Variants in DPP10 observed in about 807,000 individuals in gnomAD.
DPP10 encodes dipeptidyl peptidase like 10, also known as inactive dipeptidyl peptidase 10.
In DPP10, 33 loss-of-function variants were observed where a neutral mutation model predicts 120.9. The ratio of observed to expected loss-of-function variants is 0.27; its 90% CI spans 0.21 to 0.37. The LOEUF is 0.37. Ranked by LOEUF, DPP10 falls within the 10% of genes least tolerant of loss-of-function variation. The pLI, the probability that DPP10 is intolerant of heterozygous loss-of-function variation, is 1.00. For synonymous variants in DPP10, 337 were observed against 326.1 expected, an observed-to-expected ratio of 1.03 and a Z score of -0.36; for missense variants, 816 against 942.8, an observed-to-expected ratio of 0.87 and a Z score of 1.76.
chr2:115,674,931 C>T (rs1176123374), intron 5 of DPP10, among the ~76,000 whole-genome samples: 1 of 152,156 alleles, frequency 6.6e-6, no homozygotes, highest in Non-Finnish European at 1.5e-5. Flanking sequence ...TTTATCATCA[C>T]CTTAGTATTC....
chr2:115,130,360 T>G (rs1275594473), intron 1 of DPP10, among the ~76,000 whole-genome samples: 1 of 152,192 alleles, frequency 6.6e-6, no homozygotes, highest in Non-Finnish European at 1.5e-5. Flanking sequence ...AACTCTCTTT[T>G]TCCTCAGCTT....
intron 19 of DPP10, among the ~76,000 whole-genome samples, chr2:115,803,794 A>G (rs2421340): frequency 0.44 from 66,695 of 152,052 alleles, 17,305 homozygotes; most frequent in East Asian, 0.67. Flanking sequence ...TTCTGCCGAG[A>G]GATCCGCTGT....
intron 1 of DPP10, among the ~76,000 whole-genome samples, chr2:115,071,653 C>A (rs1707375974): frequency 6.6e-6 from 1 of 151,130 alleles, no homozygotes; most frequent in African/African-American, 2.4e-5. Context: ...GTTTTAAGAC[C>A]AGAAGGGGCA....
chr2:114,467,738 G>A (rs1443497311), intron 1 of DPP10, among the ~76,000 whole-genome samples: 1 of 152,126 alleles, frequency 6.6e-6, no homozygotes, highest in East Asian at 1.9e-4. Flanking sequence ...GGCGGCTCAC[G>A]CTTGTAATCC....
chr2:114,885,122 G>A (rs182679483), intron 1 of DPP10, among the ~76,000 whole-genome samples: 8 of 152,282 alleles, frequency 5.3e-5, no homozygotes, highest in African/African-American at 1.7e-4. Flanking sequence ...AAGGAGAAGA[G>A]GTTTAATTGG....
chr2:115,329,771 C>CT (rs1421855496), intron 2 of DPP10, among the ~76,000 whole-genome samples: 4 of 151,988 alleles, frequency 2.6e-5, no homozygotes, highest in Admixed American at 1.3e-4. Context: ...TGAACTCATC[C>CT]TTTTTTATGG....
chr2:114,695,283 TAGAG>T (rs765591804), intron 1 of DPP10, among the ~76,000 whole-genome samples: 1 of 151,948 alleles, frequency 6.6e-6, no homozygotes, highest in Non-Finnish European at 1.5e-5. Flanking sequence ...GAATGTGAAA[TAGAG>T]AGAAGTTAAG....
chr2:115,520,473 A>G (rs1403439597), intron 4 of DPP10, among the ~76,000 whole-genome samples: 1 of 151,674 alleles, frequency 6.6e-6, no homozygotes, highest in African/African-American at 2.4e-5. Flanking sequence ...GTACCCATCT[A>G]TACTTTCAGA....
intron 21 of DPP10, among the ~76,000 whole-genome samples, chr2:115,834,366 A>G (rs1689232504): frequency 6.6e-6 from 1 of 152,218 alleles, no homozygotes; most frequent in African/African-American, 2.4e-5. Flanking sequence ...AACAAACTGC[A>G]TCAGAATTTC....
At chr2:114,694,398 G>T (rs1455892930) in intron 1 of DPP10, among the ~76,000 whole-genome samples, 5 of 151,800 alleles carry the variant, frequency 3.3e-5, no homozygotes, top group Non-Finnish European at 7.4e-5. Flanking sequence ...ATTTAAATAT[G>T]ATTTATAATC....
chr2:115,579,493 G>A (rs1054210868), intron 5 of DPP10: 2 of 152,176 alleles, frequency 1.3e-5, no homozygotes, highest in South Asian at 4.1e-4. Flanking sequence ...ACCAAATGAT[G>A]TAGCAGAAGG....
intron 1 of DPP10, among the ~76,000 whole-genome samples, chr2:115,126,678 T>G (rs920513951): frequency 1.4e-4 from 21 of 152,150 alleles, no homozygotes; most frequent in Non-Finnish European, 2.2e-4. Context: ...TCCGATGCTC[T>G]CTCTCTTGTT....
chr2:115,824,349 A>G (rs1688099981), intron 21 of DPP10, among the ~76,000 whole-genome samples: 1 of 152,124 alleles, frequency 6.6e-6, no homozygotes, highest in Non-Finnish European at 1.5e-5. Context: ...ACACGTGCAG[A>G]ATGTGCAGGT....
At chr2:115,034,408 C>A (rs4578864) in intron 1 of DPP10, among the ~76,000 whole-genome samples, 1 of 152,058 alleles carries the variant, frequency 6.6e-6, no homozygotes, top group African/African-American at 2.4e-5. Context: ...ATCTCTAGCC[C>A]TGACTCTCAC....
At chr2:114,878,454 C>T (rs1298123771) in intron 1 of DPP10, among the ~76,000 whole-genome samples, 1 of 152,114 alleles carries the variant, frequency 6.6e-6, no homozygotes, top group Admixed American at 6.6e-5. Flanking sequence ...TCTCTTCTAA[C>T]TATTTTGAAA....
chr2:114,734,073 C>G (rs1677190496), intron 1 of DPP10, among the ~76,000 whole-genome samples: 1 of 152,152 alleles, frequency 6.6e-6, no homozygotes, highest in Admixed American at 6.6e-5. Flanking sequence ...CAATCTGACC[C>G]TGGCATAACA....
chr2:115,300,576 T>G (rs1465247714), intron 1 of DPP10, among the ~76,000 whole-genome samples: 3 of 152,084 alleles, frequency 2.0e-5, no homozygotes, highest in African/African-American at 7.2e-5. Context: ...CATCACTGCT[T>G]TCAATTGTTT....
intron 3 of DPP10, among the ~76,000 whole-genome samples, chr2:115,374,915 T>C (rs2065675266): frequency 6.6e-6 from 1 of 152,256 alleles, no homozygotes; most frequent in Non-Finnish European, 1.5e-5. Flanking sequence ...TTTTACCTGC[T>C]AGGCCTCTGG....
At chr2:115,836,407 C>T in intron 22 of DPP10, 100 bp from the exon 23 acceptor site, 1 of 1,487,216 alleles carries the variant, frequency 6.7e-7, no homozygotes, top group Non-Finnish European at 9.2e-7. Flanking sequence ...GCTGATTTTA[C>T]TAAAGCATGA....
Sources: gnomAD v4.1 joint callset for allele counts (sites outside exome capture counted in the v4.1 genomes callset) on GRCh38, gnomAD v4.1.1 for gene constraint, MANE v1.5 for transcripts, NCBI Gene and HGNC (gene_info 2026-07-23, HGNC 2026-07-21) for gene names.